DCHS2: variants seen among roughly 807,000 people sequenced by gnomAD.
DCHS2 encodes the protein dachsous cadherin-related 2.
DCHS2 carries 142 observed loss-of-function variants against 182.4 expected under a neutral mutation model. The observed-to-expected ratio is 0.78, with a 90% confidence interval of 0.68 to 0.89. The LOEUF (loss-of-function observed/expected upper bound fraction) is 0.89, where lower values mean the gene tolerates loss of function less well. Among genes scored for constraint, DCHS2 ranks in the 40% least tolerant of loss-of-function variants. DCHS2 has a pLI of 0.00. For synonymous variants in DCHS2, 1,740 were observed against 1,663.3 expected, an observed-to-expected ratio of 1.05 and a Z score of -1.12; for missense variants, 4,319 against 4,198.6, an observed-to-expected ratio of 1.03 and a Z score of -0.79.
chr4:154,320,572 C>A lies in DCHS2; in HGVS notation c.4827G>T (p.Val1609=). The A allele has an allele frequency of 2.5e-6, 4 of 1,614,100 alleles. No homozygotes were observed. Among genetic ancestry groups the A allele is most frequent in the Non-Finnish European group, 3.4e-6 (4 of 1,180,006 alleles). The stretch of plus-strand genomic sequence containing the variant: ...GGTTGTGGTCATTTACATCCAAAAT[C>A]ACTATTTGTGCTGTCAGTGATCTCA... ...RRLRSLTAQI[V]ILDVNDHNPT... is the part of the protein sequence containing the mutation. The change falls in exon 9 of 20, where the codon GTG becomes GTT. Residue 1609 remains valine, a synonymous_variant. Coordinates refer to ENST00000357232, the MANE Select transcript of DCHS2 (RefSeq NM_001358235.2).
intron 1 of DCHS2, among the ~76,000 whole-genome samples, chr4:154,417,515 A>C (rs1376682060): frequency 6.6e-6 from 1 of 152,198 alleles, no homozygotes; most frequent in Non-Finnish European, 1.5e-5. Context: ...CTCACACGAG[A>C]AAAACCTACA....
At chr4:154,347,764 G>T (rs1729426622) in intron 3 of DCHS2, among the ~76,000 whole-genome samples, 1 of 151,892 alleles carries the variant, frequency 6.6e-6, no homozygotes, top group African/African-American at 2.4e-5. Context: ...TCACTGCAAA[G>T]CATGCATAGG....
At position 154,234,659 on chromosome 4, in the gene DCHS2, A is replaced by C; in HGVS notation, c.9993T>G (p.Ser3331=). The C allele has an allele frequency of 6.2e-7, 1 of 1,614,102 alleles. No individual in the cohort carries two copies. Among genetic ancestry groups the C allele is most frequent in the South Asian group, 1.1e-5 (1 of 91,082 alleles). The change falls in exon 20 of 20, where the codon TCT becomes TCG. Residue 3331 remains serine, a synonymous_variant. Coordinates refer to ENST00000357232, the MANE Select transcript of DCHS2 (RefSeq NM_001358235.2). ...PEGMTPNFSP[S]LSLLTMQPPA... Reference sequence around the variant, plus strand: ...GAGGCTGCATCGTCAATAGGGAAAGAGATGGAGAAAAATTGGGAGTCATGC... The same window carrying C: ...GAGGCTGCATCGTCAATAGGGAAAGCGATGGAGAAAAATTGGGAGTCATGC...
At chr4:154,311,494 C>G (rs1030864521) in intron 10 of DCHS2, among the ~76,000 whole-genome samples, 2 of 152,060 alleles carry the variant, frequency 1.3e-5, no homozygotes, top group African/African-American at 4.8e-5. Context: ...CTCGGCCTTC[C>G]AAAGCACTAG....
At chr4:154,291,388 G>C (rs1272432080) in intron 13 of DCHS2, among the ~76,000 whole-genome samples, 1 of 152,038 alleles carries the variant, frequency 6.6e-6, no homozygotes, top group East Asian at 1.9e-4. Context: ...CAGTGTGAAG[G>C]TACCTCAAAA....
At chr4:154,473,307 C>T (rs1560779337) in intron 1 of DCHS2, among the ~76,000 whole-genome samples, 1 of 152,176 alleles carries the variant, frequency 6.6e-6, no homozygotes, top group Non-Finnish European at 1.5e-5. Flanking sequence ...CATCATGGGA[C>T]ACAGTGATCA....
At chr4:154,401,506 C>G (rs996998937) in intron 1 of DCHS2, among the ~76,000 whole-genome samples, 3 of 152,230 alleles carry the variant, frequency 2.0e-5, no homozygotes, top group Non-Finnish European at 4.4e-5. Flanking sequence ...TCCTCATCAA[C>G]ATTGGTGTTA....
chr4:154,285,960 C>T (rs1005758316), intron 13 of DCHS2, among the ~76,000 whole-genome samples: 1 of 152,072 alleles, frequency 6.6e-6, no homozygotes, highest in Non-Finnish European at 1.5e-5. Flanking sequence ...AGTGCAGTCC[C>T]AGTGGTGGTG....
At chr4:154,450,902 C>T (rs905416100) in intron 1 of DCHS2, among the ~76,000 whole-genome samples, 3 of 152,196 alleles carry the variant, frequency 2.0e-5, no homozygotes, top group East Asian at 3.9e-4. Flanking sequence ...GTGTGGGGCA[C>T]GTTGAGATAT....
intron 3 of DCHS2, among the ~76,000 whole-genome samples, chr4:154,359,415 C>G (rs942371344): frequency 6.6e-6 from 1 of 151,754 alleles, no homozygotes; most frequent in South Asian, 2.1e-4. Context: ...AATTTTTAAC[C>G]AAGGTAGCAA....
intron 6 of DCHS2, 41 bp downstream of exon 6, chr4:154,329,482 C>A: frequency 6.4e-7 from 1 of 1,574,050 alleles, no homozygotes; most frequent in Admixed American, 1.7e-5. Context: ...AAACAAATGA[C>A]TTAAGATATT....
At chr4:154,477,619 G>C (rs1735740767) in intron 1 of DCHS2, among the ~76,000 whole-genome samples, 1 of 152,142 alleles carries the variant, frequency 6.6e-6, no homozygotes, top group Non-Finnish European at 1.5e-5. Flanking sequence ...TGGAAAGAAA[G>C]CAATTATCAA....
chr4:154,232,424 T>C lies in DCHS2; in HGVS notation c.*2112A>G, dbSNP rs1731237864. The C allele has an allele frequency of 6.6e-6, 1 of 152,148 alleles. No homozygotes were observed. 9.4% of individuals were successfully genotyped at this position (152,148 alleles called of 1,614,324 possible). Reference sequence around the variant, plus strand: ...AAAAAGCTCTATTACATGTCTTCTCTTGTTATGCAATGGCTAGAAAACATA... The same window carrying C: ...AAAAAGCTCTATTACATGTCTTCTCCTGTTATGCAATGGCTAGAAAACATA... On this transcript the variant is annotated 3_prime_UTR_variant, in exon 20 of 20. Transcript: ENST00000357232.
chr4:154,288,509 C>T (rs1292763757), intron 13 of DCHS2, among the ~76,000 whole-genome samples: 1 of 152,082 alleles, frequency 6.6e-6, no homozygotes, highest in African/African-American at 2.4e-5. Flanking sequence ...GATATATCAT[C>T]CAGACAGACA....
chr4:154,253,194 T>A (rs570136653), intron 16 of DCHS2, among the ~76,000 whole-genome samples: 1,634 of 143,240 alleles, frequency 0.011, 8 homozygotes, highest in Non-Finnish European at 0.015. Context: ...AGAGAGAGAG[T>A]GTGTGTGTGT....
Position 154,428,005 on chromosome 4 carries a change from C to T in DCHS2, c.2053-50561G>A, listed in dbSNP as rs79366512. 3.8e-3 allele frequency among the ~76,000 whole-genome samples: 577 copies of T among 152,290 alleles called. 5 individuals carry two copies. The highest frequency in any genetic ancestry group is 0.013 in the African/African-American group (551 of 41,562). On this transcript the variant is annotated intron_variant, in intron 1 of 19. Transcript: ENST00000357232. ...TGCATATGAAGGCAGTCTGGAGATG[C>T]GGTCTGGAGCCATGCCATGTGGTTC...
chr4:154,335,213 T>A, intron 3 of DCHS2, 109 bp from the exon 4 acceptor site: 1 of 767,802 alleles, frequency 1.3e-6, no homozygotes, highest in Non-Finnish European at 2.2e-6. Context: ...ATTTTATGTG[T>A]TAACTGGGCC....
At chr4:154,315,308 A>G (rs1735813461) in intron 10 of DCHS2, among the ~76,000 whole-genome samples, 2 of 152,174 alleles carry the variant, frequency 1.3e-5, no homozygotes. Context: ...GCATAAGTAA[A>G]TGGTAGTTTT....
At chr4:154,404,108 C>T (rs750082324) in intron 1 of DCHS2, among the ~76,000 whole-genome samples, 15 of 152,022 alleles carry the variant, frequency 9.9e-5, no homozygotes, top group Non-Finnish European at 1.9e-4. Flanking sequence ...CTTCTATTTT[C>T]TACCTTGCTC....
Sources: gnomAD v4.1 joint callset for allele counts (sites outside exome capture counted in the v4.1 genomes callset) on GRCh38, gnomAD v4.1.1 for gene constraint, MANE v1.5 for transcripts, NCBI Gene and HGNC (gene_info 2026-07-23, HGNC 2026-07-21) for gene names.